The following NEDD4L variants were observed in gnomAD, a reference collection of about 807,000 sequenced individuals.
NEDD4L encodes the protein NEDD4 like E3 ubiquitin protein ligase.
NEDD4L carries 54 observed loss-of-function variants against 148.9 expected under a neutral mutation model. The observed-to-expected ratio is 0.36, with a 90% CI of 0.29 to 0.45. The LOEUF is 0.45. NEDD4L is among the 20% of genes least tolerant of loss of function. The pLI is 1.00. For missense variants in NEDD4L, 856 were observed against 1,233.8 expected, an observed-to-expected ratio of 0.69 and a Z score of 4.59; for synonymous variants, 433 against 440.7, an observed-to-expected ratio of 0.98 and a Z score of 0.22.
chr18:58,221,062 T>C (rs764490520), intron 2 of NEDD4L, among the ~76,000 whole-genome samples: 11 of 152,170 alleles, frequency 7.2e-5, no homozygotes, highest in Non-Finnish European at 1.2e-4. Context: ...GGCTGTAGTT[T>C]GTATCATAGT....
chr18:58,159,839 T>C (rs1357773560), intron 1 of NEDD4L, among the ~76,000 whole-genome samples: 1 of 152,200 alleles, frequency 6.6e-6, no homozygotes, highest in Non-Finnish European at 1.5e-5. Context: ...TACTTTAGAA[T>C]ATGGAAGGTA....
At chr18:58,292,068 C>T (rs890685601) in intron 5 of NEDD4L, among the ~76,000 whole-genome samples, 5 of 152,204 alleles carry the variant, frequency 3.3e-5, no homozygotes, top group African/African-American at 1.2e-4. Context: ...CTGTGAGAGG[C>T]ACCCAGTTCA....
intron 1 of NEDD4L, among the ~76,000 whole-genome samples, chr18:58,140,626 G>C (rs943087609): frequency 1.3e-5 from 2 of 152,144 alleles, no homozygotes; most frequent in Non-Finnish European, 2.9e-5. Context: ...TTATAGTAAT[G>C]AGTGGATTCT....
At chr18:58,056,508 C>T (rs967377312) in intron 1 of NEDD4L, among the ~76,000 whole-genome samples, 1 of 152,164 alleles carries the variant, frequency 6.6e-6, no homozygotes, top group Non-Finnish European at 1.5e-5. Context: ...TTCTGCTTTC[C>T]CTTCTACAGC....
At chr18:58,066,387 GTTTTT>G (rs368243667) in intron 1 of NEDD4L, among the ~76,000 whole-genome samples, 8,954 of 112,198 alleles carry the variant, frequency 0.08, 411 homozygotes, top group Admixed American at 0.13. Context: ...CTCTGTATTA[GTTTTT>G]TTTTTTTTTT....
chr18:58,383,018 A>C (rs2048548134), intron 24 of NEDD4L, among the ~76,000 whole-genome samples: 1 of 152,238 alleles, frequency 6.6e-6, no homozygotes, highest in Non-Finnish European at 1.5e-5. Context: ...GAATAATTAA[A>C]AGTCATAAAT....
At position 58,397,551 on chromosome 18, in the gene NEDD4L, T is replaced by C. The variant is rs2050575159; in HGVS notation, c.*1282T>C. ...TACAAAGATTTATTTAATGTACTCT[T>C]AATCTAACTGAGTTTTGTTACCAAT... On this transcript the variant is annotated 3_prime_UTR_variant, in exon 31 of 31. Coordinates refer to ENST00000400345, the MANE Select transcript of NEDD4L (RefSeq NM_001144967.3). 6.6e-6 allele frequency: 1 copy of C among 152,252 alleles called. No individual in the cohort carries two copies. Among genetic ancestry groups the C allele is most frequent in the South Asian group, 2.1e-4 (1 of 4,832 alleles). 9.4% of individuals were successfully genotyped at this position (152,252 alleles called of 1,614,324 possible).
At chr18:58,244,621 C>G (rs979564104) in intron 2 of NEDD4L, among the ~76,000 whole-genome samples, 1 of 152,180 alleles carries the variant, frequency 6.6e-6, no homozygotes, top group African/African-American at 2.4e-5. Flanking sequence ...AGGCAAATCT[C>G]TCTTGACTTT....
At position 58,269,995 on chromosome 18, in the gene NEDD4L, T is replaced by C. The variant is rs1432254565; in HGVS notation, c.297+17941T>C. Among the ~76,000 whole-genome samples the C allele has an allele frequency of 3.3e-5, 5 of 152,248 alleles. No individual in the cohort carries two copies. The East Asian group carries it at 9.6e-4, about 29-fold the overall frequency. ...TCCTAAAATAACTGAAATGAAAGGA[T>C]TAATTTTCTCTCAGTTTCCTACTGC... On this transcript the variant is annotated intron_variant, in intron 5 of 30. Coordinates refer to ENST00000400345, the MANE Select transcript of NEDD4L (RefSeq NM_001144967.3).
At chr18:58,264,800 G>A (rs775475059) in intron 5 of NEDD4L, among the ~76,000 whole-genome samples, 1 of 151,960 alleles carries the variant, frequency 6.6e-6, no homozygotes, top group African/African-American at 2.4e-5. Context: ...CCGTATTTTC[G>A]TACCCATTTA....
intron 2 of NEDD4L, among the ~76,000 whole-genome samples, chr18:58,243,059 C>T (rs777882117): frequency 2.6e-5 from 4 of 152,130 alleles, no homozygotes; most frequent in Non-Finnish European, 4.4e-5. Flanking sequence ...CTGCATGTGT[C>T]GATTATTGTG....
intron 1 of NEDD4L, among the ~76,000 whole-genome samples, chr18:58,089,922 C>T (rs529665522): frequency 2.6e-5 from 4 of 151,910 alleles, no homozygotes; most frequent in South Asian, 2.1e-4. Flanking sequence ...TCACTGCAAC[C>T]TCCATCTCCC....
At chr18:58,272,717 C>T (rs532253756) in intron 5 of NEDD4L, among the ~76,000 whole-genome samples, 10 of 152,204 alleles carry the variant, frequency 6.6e-5, no homozygotes, top group East Asian at 1.9e-4. Flanking sequence ...TTGCTGTTGC[C>T]GCCTTTATAA....
intron 24 of NEDD4L, 40 bp from the exon 25 acceptor site, chr18:58,383,206 C>A: frequency 9.8e-7 from 1 of 1,022,116 alleles, no homozygotes; most frequent in Non-Finnish European, 1.5e-6. Context: ...TGCAAGATAA[C>A]TTCGTGATAG....
intron 5 of NEDD4L, among the ~76,000 whole-genome samples, chr18:58,284,568 A>G (rs909488978): frequency 1.7e-5 from 2 of 119,894 alleles, no homozygotes; most frequent in Non-Finnish European, 3.5e-5. Flanking sequence ...AGTTATACGA[A>G]TAGAAGTAAC....
At chr18:58,281,035 G>T (rs929766915) in intron 5 of NEDD4L, among the ~76,000 whole-genome samples, 1 of 152,048 alleles carries the variant, frequency 6.6e-6, no homozygotes, top group African/African-American at 2.4e-5. Context: ...GAGTGCAGTG[G>T]CATGCAATCA....
At chr18:58,161,964 A>G (rs1376437310) in intron 1 of NEDD4L, among the ~76,000 whole-genome samples, 1 of 152,170 alleles carries the variant, frequency 6.6e-6, no homozygotes, top group Non-Finnish European at 1.5e-5. Flanking sequence ...GTCCGGGTAG[A>G]AAAGGGACAC....
intron 5 of NEDD4L, among the ~76,000 whole-genome samples, chr18:58,265,406 C>T (rs2050078768): frequency 1.3e-5 from 2 of 152,064 alleles, no homozygotes; most frequent in African/African-American, 2.4e-5. Context: ...GCTCTCTGAA[C>T]ACCTGCCAGG....
chr18:58,246,833 A>AT (rs972014862), intron 3 of NEDD4L, among the ~76,000 whole-genome samples: 8 of 152,022 alleles, frequency 5.3e-5, no homozygotes, highest in South Asian at 2.1e-4. Context: ...ATATGTAAAT[A>AT]TTTTTTACCC....
Sources: gnomAD v4.1 joint callset for allele counts (sites outside exome capture counted in the v4.1 genomes callset) on GRCh38, gnomAD v4.1.1 for gene constraint, MANE v1.5 for transcripts, NCBI Gene and HGNC (gene_info 2026-07-23, HGNC 2026-07-21) for gene names.